CABLES2: variants seen among roughly 807,000 people sequenced by gnomAD.
CABLES2 encodes the protein CDK5 and ABL1 enzyme substrate 2.
Under a neutral mutation model 44.8 loss-of-function variants are expected in CABLES2, and 35 were observed. The ratio of observed to expected loss-of-function variants is 0.78; its 90% CI spans 0.60 to 1.04. The LOEUF (loss-of-function observed/expected upper bound fraction) is 1.04. CABLES2 is among the 50% of genes least tolerant of loss of function. The probability of loss-of-function intolerance (pLI) is 0.00; values close to 1 mark genes in which losing one functional copy is unlikely to be tolerated. For missense variants in CABLES2, 566 were observed against 615.7 expected (o/e 0.92, Z 0.85); for synonymous variants, 282 against 281.1 (o/e 1.00, Z -0.03).
intron 1 of CABLES2, among the ~76,000 whole-genome samples, chr20:62,397,405 T>G (rs1416898920): frequency 1.3e-5 from 2 of 152,186 alleles, no homozygotes; most frequent in East Asian, 3.9e-4. Context: ...CCCTCCTGCC[T>G]GGACTTCAGG....
At chr20:62,406,524 C>A (rs1988288302) in intron 1 of CABLES2, among the ~76,000 whole-genome samples, 1 of 144,906 alleles carries the variant, frequency 6.9e-6, no homozygotes, top group Admixed American at 7.0e-5. Context: ...GGACAATGAA[C>A]CCTATGTGTG....
intron 1 of CABLES2, chr20:62,402,690 A>G (rs1176242802): frequency 6.6e-6 from 1 of 152,276 alleles, no homozygotes; most frequent in Non-Finnish European, 1.5e-5. Flanking sequence ...GCCCCATCTC[A>G]TCAAGTCCCA....
At chr20:62,395,088 G>T in intron 3 of CABLES2, 74 bp from the exon 4 acceptor site, 1 of 1,163,856 alleles carries the variant, frequency 8.6e-7, no homozygotes, top group Non-Finnish European at 1.3e-6. Flanking sequence ...CAGAGCTACA[G>T]ACATTTCCAT....
rs201040683 is a variant in CABLES2, at chr20:62,396,485, G to A, written c.434+36C>T. 1.6e-4 allele frequency: 264 copies of A among 1,612,606 alleles called. No homozygotes were observed. The highest frequency in any genetic ancestry group is 1.6e-4 in the Middle Eastern group (1 of 6,082). On this transcript the variant is annotated intron_variant, in intron 2 of 9. Transcript: ENST00000279101. The surrounding 1 kb of genome is among the most constrained non-coding windows in gnomAD (Gnocchi z 5.7). ...CGCAGGGGTCAGTGGCAGCCCGAGC[G>A]GAGTCGTAGAGCTCGGGGCGGACGG...
chr20:62,395,619 G>A (rs2427313), intron 3 of CABLES2, among the ~76,000 whole-genome samples: 49,073 of 152,188 alleles, frequency 0.32, 8,515 homozygotes, highest in African/African-American at 0.43. Context: ...GGTCTCACCA[G>A]GGGGACAACA....
At position 62,394,939 on chromosome 20, in the gene CABLES2, G is replaced by T; in HGVS notation, c.603C>A (p.Ile201=). 1.2e-6 allele frequency: 2 copies of T among 1,612,576 alleles called. No homozygotes were observed. The highest frequency in any genetic ancestry group is 2.2e-5 in the South Asian group (2 of 90,956). The stretch of plus-strand genomic sequence containing the variant: ...CGAGGCAAGCGCTGAGTACTCACCT[G>T]ATCCGCAGGCCTTCCCCATAGGGCA... The part of the protein sequence containing the change: ...SVLPYGEGLR[I]SDLRVDSQKQ... The change falls in exon 4 of 10, where the codon ATC becomes ATA. Residue 201 remains isoleucine, a splice_region_variant and synonymous_variant. Coordinates refer to ENST00000279101, the MANE Select transcript of CABLES2 (RefSeq NM_031215.3).
rs751132236 is a variant in CABLES2, at chr20:62,396,634, G to A, written c.363-42C>T. 4.4e-5 allele frequency: 70 copies of A among 1,575,278 alleles called. No homozygotes were observed. The highest frequency in any genetic ancestry group is 6.9e-5 in the East Asian group (3 of 43,322). On this transcript the variant is annotated intron_variant, in intron 1 of 9. Transcript: ENST00000279101. The surrounding 1 kb of genome is among the most constrained non-coding windows in gnomAD (Gnocchi z 5.7). ...GAGCCTCAAAACAGGCCACCAGCCC[G>A]GGTGCCGCCTTTGTGGCCAGAAACC... is the stretch of plus-strand genomic sequence containing the variant.
At position 62,396,227 on chromosome 20, in the gene CABLES2, G is replaced by A; in HGVS notation, c.527+88C>T. 1 of 1,123,826 alleles carries A rather than the reference G, an allele frequency of 8.9e-7. No homozygotes were observed. 69.6% of individuals were successfully genotyped at this position (1,123,826 alleles called of 1,614,324 possible). A position where few individuals can be genotyped will look rare whatever the true frequency, so the allele number is the denominator to read the frequency against. ...GGGGTGGGCGGGAGCTTTGGGAGTG[G>A]AGGGAAGATTGCTTGGCTGACAGGG... On this transcript the variant is annotated intron_variant, in intron 3 of 9. Coordinates refer to ENST00000279101, the MANE Select transcript of CABLES2 (RefSeq NM_031215.3). The surrounding 1 kb of genome is among the most constrained non-coding windows in gnomAD (Gnocchi z 5.7).
chr20:62,406,793 C>G (rs1185234619), intron 1 of CABLES2, 122 bp downstream of exon 1: 1 of 485,180 alleles, frequency 2.1e-6, no homozygotes, highest in Admixed American at 5.3e-5. Flanking sequence ...GGTCACCTGA[C>G]CCCCTTGTCC....
At chr20:62,401,046 T>C (rs919062178) in intron 1 of CABLES2, among the ~76,000 whole-genome samples, 6 of 152,158 alleles carry the variant, frequency 3.9e-5, no homozygotes, top group Non-Finnish European at 8.8e-5. Context: ...ACATGGCTGG[T>C]AAGAGACAGA....
chr20:62,402,076 G>A (rs557186491), intron 1 of CABLES2, among the ~76,000 whole-genome samples: 50 of 152,294 alleles, frequency 3.3e-4, no homozygotes, highest in African/African-American at 9.6e-4. Flanking sequence ...ACGTGGCAGT[G>A]ACCAGCTCAA....
intron 1 of CABLES2, chr20:62,405,699 C>T (rs985884725): frequency 2.0e-5 from 3 of 152,322 alleles, no homozygotes; most frequent in Non-Finnish European, 4.4e-5. Flanking sequence ...CTCTGATGAC[C>T]TCCAGGTAAG....
Position 62,391,229 on chromosome 20 carries a change from C to G in CABLES2, c.1296+20G>C. 2 of 1,603,894 alleles carry G rather than the reference C, an allele frequency of 1.2e-6. No individual in the cohort carries two copies. Among genetic ancestry groups the G allele is most frequent in the Non-Finnish European group, 1.7e-6 (2 of 1,173,412 alleles). On this transcript the variant is annotated intron_variant, in intron 9 of 9. Transcript: ENST00000279101. This position sits in a 1 kb window ranked among gnomAD's most constrained non-coding sequence, Gnocchi z 5.7. ...GATGTCATGACCCTGCCTGCAGTGC[C>G]TGCCGAGCCGGGCACTCACATCGAT...
rs552255589 is a variant in CABLES2 at position 62,392,620 on chromosome 20, C to T, written c.985-125G>A. 640 of 735,750 alleles carry T rather than the reference C, an allele frequency of 8.7e-4. 1 individual carries two copies. The highest frequency in any genetic ancestry group is 1.5e-3 in the East Asian group (59 of 40,220). The allele number at this position is 735,750 out of a possible 1,614,324, so 45.6% of individuals were successfully genotyped here. On this transcript the variant is annotated intron_variant, in intron 7 of 9. Transcript: ENST00000279101. ...CATGCATACGGTGTGGCTTGAGAGG[C>T]CCCGAATCTCTGAGAACAAAATGGC...
intron 1 of CABLES2, chr20:62,404,368 T>C (rs1988241637): frequency 6.6e-6 from 1 of 152,318 alleles, no homozygotes; most frequent in African/African-American, 2.4e-5. Context: ...TACTGAACAG[T>C]GCAGCTGGGA....
At chr20:62,397,036 G>A (rs2146422301) in intron 1 of CABLES2, among the ~76,000 whole-genome samples, 1 of 152,252 alleles carries the variant, frequency 6.6e-6, no homozygotes, top group African/African-American at 2.4e-5. Context: ...CATGGCATGG[G>A]CAGGCGGGGT....
rs538145567 is a variant in CABLES2 at position 62,399,542 on chromosome 20, C to T, written c.363-2950G>A. 3.1e-3 allele frequency among the ~76,000 whole-genome samples: 433 copies of T among 141,202 alleles called. 2 individuals are homozygous for T. Among genetic ancestry groups the T allele is most frequent in the Non-Finnish European group, 4.9e-3 (316 of 64,998 alleles). 92.6% of individuals were successfully genotyped at this position (141,202 alleles called of 152,430 possible). ...GATTACAGGCGTGAGCCACCACGCCCGGCCTGTTTTTTTTTTTGAACAGAT... is the reference window on the plus strand; with the variant it reads ...GATTACAGGCGTGAGCCACCACGCCTGGCCTGTTTTTTTTTTTGAACAGAT... On this transcript the variant is annotated intron_variant, in intron 1 of 9. Coordinates refer to ENST00000279101, the MANE Select transcript of CABLES2 (RefSeq NM_031215.3).
Position 62,390,804 on chromosome 20 carries a change from C to T in CABLES2, c.*167G>A. The T allele has an allele frequency of 2.8e-6, 2 of 726,268 alleles. No homozygotes were observed. Among genetic ancestry groups the T allele is most frequent in the Non-Finnish European group, 4.5e-6 (2 of 446,850 alleles). The allele number at this position is 726,268 out of a possible 1,614,324, so 45.0% of individuals were successfully genotyped here. On this transcript the variant is annotated 3_prime_UTR_variant, in exon 10 of 10. Coordinates refer to ENST00000279101, the MANE Select transcript of CABLES2 (RefSeq NM_031215.3). Reference sequence around the variant, plus strand: ...TGGGGATGAAAGCGACGTCTCTTTCCAAGGAAATGGCAAAGAGGCAAAAAG... The same window carrying T: ...TGGGGATGAAAGCGACGTCTCTTTCTAAGGAAATGGCAAAGAGGCAAAAAG...
intron 1 of CABLES2, among the ~76,000 whole-genome samples, chr20:62,398,346 T>C (rs1202992019): frequency 6.6e-6 from 1 of 150,734 alleles, no homozygotes; most frequent in Non-Finnish European, 1.5e-5. Context: ...GTGGTGATGG[T>C]GATGACGGTG....
Sources: gnomAD v4.1 joint callset for allele counts (sites outside exome capture counted in the v4.1 genomes callset) on GRCh38, gnomAD v4.1.1 for gene constraint, Gnocchi (gnomAD v3.1) non-coding constraint, MANE v1.5 for transcripts, NCBI Gene and HGNC (gene_info 2026-07-23, HGNC 2026-07-21) for gene names.